The following IL1B variants were observed in gnomAD, a reference collection of about 807,000 sequenced individuals.
IL1B encodes the protein interleukin 1 beta, also known as interleukin-1 beta.
A neutral mutation model predicts 26.2 loss-of-function variants in IL1B; 11 were observed. That is an observed-to-expected ratio of 0.42 (90% CI 0.26 to 0.70). The LOEUF (loss-of-function observed/expected upper bound fraction) is 0.70. Among genes scored for constraint, IL1B ranks in the 30% least tolerant of loss-of-function variants. The pLI, the probability that IL1B is intolerant of heterozygous loss-of-function variation, is 0.25. For synonymous variants in IL1B, 118 were observed against 120.8 expected, an observed-to-expected ratio of 0.98 and a Z score of 0.15; for missense variants, 255 against 327.5, an observed-to-expected ratio of 0.78 and a Z score of 1.71.
chr2:112,830,450 AG>A lies in IL1B; in HGVS notation c.720del (p.Ser241LeufsTer19), dbSNP rs1275432864. ...SAQFPNWYISTSQAENMPVFL... is the reference protein window; with the variant it reads ...SAQFPNWYISXSQAENMPVFL... ...AAGACGGGCATGTTTTCTGCTTGAG[AG>A]GTGCTGATGTACCAGTTGGGGAACT... On this transcript the variant is annotated frameshift_variant, in exon 7 of 7. Coordinates refer to ENST00000263341, the MANE Select transcript of IL1B (RefSeq NM_000576.3). LOFTEE classifies it high-confidence loss of function. The A allele has an allele frequency of 6.2e-7, 1 of 1,613,988 alleles. No individual in the cohort carries two copies. The highest frequency in any genetic ancestry group is 8.5e-7 in the Non-Finnish European group (1 of 1,179,978).
Position 112,829,896 on chromosome 2 carries a change from AAATTG to A in IL1B, c.*460_*464del, listed in dbSNP as rs144284916. The A allele has an allele frequency of 3.9e-3, 662 of 169,004 alleles. 1 individual carries two copies. The highest frequency in any genetic ancestry group is 0.015 in the African/African-American group (629 of 41,766). The allele number at this position is 169,004 out of a possible 1,614,324, so 10.5% of individuals were successfully genotyped here. The stretch of plus-strand genomic sequence containing the variant: ...TGATTTAAAGAGAGCACACCAGTCC[AAATTG>A]AATTGATTCCATAGCTATTAAAAAC... On this transcript the variant is annotated 3_prime_UTR_variant, in exon 7 of 7. Transcript: ENST00000263341.
In IL1B at chr2:112,836,706, A is replaced by T; in HGVS notation, c.-16+2T>A. 1 of 168,940 alleles carries T rather than the reference A, an allele frequency of 5.9e-6. No homozygotes were observed. The highest frequency in any genetic ancestry group is 1.3e-5 in the Non-Finnish European group (1 of 76,764). The allele number at this position is 168,940 out of a possible 1,614,324, so 10.5% of individuals were successfully genotyped here. A position where few individuals can be genotyped will look rare whatever the true frequency, so the allele number is the denominator to read the frequency against. ...TAGTTGTAAGGAAGATTAAAGTCAT[A>T]CTTGAGCAATGAAGATTGGCTGAAG... On this transcript the variant is annotated splice_donor_variant, in intron 1 of 6. Coordinates refer to ENST00000263341, the MANE Select transcript of IL1B (RefSeq NM_000576.3). LOFTEE classifies it low-confidence loss of function (5UTR_SPLICE).
chr2:112,833,694 A>G (rs1303430541), intron 3 of IL1B, 119 bp from the exon 4 acceptor site: 2 of 986,998 alleles, frequency 2.0e-6, no homozygotes, highest in African/African-American at 1.6e-5. Context: ...CCGAGCTTCT[A>G]AAGATCATCC....
At chr2:112,835,543 G>A (rs771312627) in intron 3 of IL1B, 23 bp downstream of exon 3, 1 of 1,597,958 alleles carries the variant, frequency 6.3e-7, no homozygotes, top group African/African-American at 1.3e-5. Context: ...TCCTTGGGTT[G>A]GGAGTTAAAC....
chr2:112,831,442 T>C lies in IL1B; in HGVS notation c.467-20A>G, dbSNP rs761948239. Reference sequence around the variant, plus strand: ...ACACCACTGAAGAAAGAAGGGGGTCTTGTGGTTAGGGACACAGCAGTGCAG... The same window carrying C: ...ACACCACTGAAGAAAGAAGGGGGTCCTGTGGTTAGGGACACAGCAGTGCAG... On this transcript the variant is annotated intron_variant, in intron 5 of 6. Coordinates refer to ENST00000263341, the MANE Select transcript of IL1B (RefSeq NM_000576.3). 6 of 1,612,272 alleles carry C rather than the reference T, an allele frequency of 3.7e-6. No individual in the cohort carries two copies. Among genetic ancestry groups the C allele is most frequent in the Middle Eastern group, 1.6e-4 (1 of 6,064 alleles).
At chr2:112,836,289 G>A (rs1444747103) in intron 1 of IL1B, 45 bp from the exon 2 acceptor site, 7 of 1,379,820 alleles carry the variant, frequency 5.1e-6, no homozygotes, top group African/African-American at 2.8e-5. Flanking sequence ...TGACGGCTAC[G>A]TTCATGTGTG....
Position 112,832,812 on chromosome 2 carries a change from C to T in IL1B, c.316G>A (p.Asp106Asn), listed in dbSNP as rs139843362. ...FIFEEEPIFFDTWDNEAYVHD... is the reference protein window; with the variant it reads ...FIFEEEPIFFNTWDNEAYVHD... ...ACATAAGCCTCGTTATCCCATGTGT[C>T]GAAGAAGATAGGTTCTGAAATGTGG... Residue 106 changes from aspartate (D) to asparagine (N), a missense_variant, in exon 5 of 7, where the codon GAC becomes AAC. Physicochemically the swap from Asp to Asn is conservative, Grantham distance 23. Transcript: ENST00000263341. 3.1e-5 allele frequency: 50 copies of T among 1,614,044 alleles called. 1 individual carries two copies. Among genetic ancestry groups the T allele is most frequent in the Non-Finnish European group, 4.0e-5 (47 of 1,180,014 alleles).
chr2:112,836,095 G>A, intron 2 of IL1B, 88 bp downstream of exon 2: 2 of 1,287,450 alleles, frequency 1.6e-6, no homozygotes, highest in South Asian at 1.2e-5. Flanking sequence ...GCAATTTAGG[G>A]GAAAAATCTG....
rs1229772915 is a variant in IL1B, at chr2:112,833,459, G to T, written c.216C>A (p.Asp72Glu). 2 of 1,614,096 alleles carry T rather than the reference G, an allele frequency of 1.2e-6. No individual in the cohort carries two copies. The highest frequency in any genetic ancestry group is 3.3e-5 in the Admixed American group (2 of 60,002). Residue 72 changes from aspartate (D) to glutamate (E), a missense_variant, in exon 4 of 7, where the codon GAC (aspartate) becomes GAA (glutamate). Transcript: ENST00000263341. ...AGGGAACCAGCATCTTCCTCAGCTT[G>T]TCCATGGCCACAACAACTGACGCGG... ...RQAASVVVAM[D>E]KLRKMLVPCP...
At position 112,830,465 on chromosome 2, in the gene IL1B, A is replaced by G; in HGVS notation, c.706T>C (p.Trp236Arg). ...LEFESAQFPNWYISTSQAENM... is the reference protein window; with the variant it reads ...LEFESAQFPNRYISTSQAENM... ...TCTGCTTGAGAGGTGCTGATGTACC[A>G]GTTGGGGAACTGGGCAGACTCAAAT... is the stretch of plus-strand genomic sequence containing the variant. Residue 236 changes from tryptophan (W) to arginine (R), a missense_variant, in exon 7 of 7, where the codon TGG becomes CGG. Trp to Arg is a moderately radical substitution (Grantham distance 101). Coordinates refer to ENST00000263341, the MANE Select transcript of IL1B (RefSeq NM_000576.3). 1 of 1,614,062 alleles carries G rather than the reference A, an allele frequency of 6.2e-7. No individual in the cohort carries two copies. The highest frequency in any genetic ancestry group is 8.5e-7 in the Non-Finnish European group (1 of 1,179,970).
At chr2:112,836,360 TG>T in intron 1 of IL1B, 116 bp from the exon 2 acceptor site, 2 of 784,812 alleles carry the variant, frequency 2.5e-6, no homozygotes, top group Non-Finnish European at 4.4e-6. Flanking sequence ...AGTAAATGAA[TG>T]AATGTGTGAA....
At chr2:112,833,951 C>T (rs955532812) in intron 3 of IL1B, among the ~76,000 whole-genome samples, 1 of 151,998 alleles carries the variant, frequency 6.6e-6, no homozygotes, top group Non-Finnish European at 1.5e-5. Flanking sequence ...CAAGATTGTA[C>T]CACTGCACTC....
chr2:112,834,907 G>T (rs533707114), intron 3 of IL1B, among the ~76,000 whole-genome samples: 1 of 152,288 alleles, frequency 6.6e-6, no homozygotes, highest in South Asian at 2.1e-4. Context: ...GGATGAGTCT[G>T]AAAAATGACC....
At chr2:112,830,629 G>C in intron 6 of IL1B, 56 bp from the exon 7 acceptor site, 1 of 1,249,734 alleles carries the variant, frequency 8.0e-7, no homozygotes, top group Non-Finnish European at 1.2e-6. Context: ...GATGCTATGG[G>C]AAAGATGTTC....
chr2:112,830,176 C>G lies in IL1B; in HGVS notation c.*185G>C. The G allele has an allele frequency of 1.7e-6, 1 of 599,768 alleles. No individual in the cohort carries two copies. 37.2% of individuals were successfully genotyped at this position (599,768 alleles called of 1,614,324 possible). A position where few individuals can be genotyped will look rare whatever the true frequency, so the allele number is the denominator to read the frequency against. ...GGGGATTGGCCCTGAAAGGAGAGAG[C>G]TGACTGTCCTGGCTGATGGACAGGA... On this transcript the variant is annotated 3_prime_UTR_variant, in exon 7 of 7. Coordinates refer to ENST00000263341, the MANE Select transcript of IL1B (RefSeq NM_000576.3).
In IL1B at chr2:112,833,576, C is replaced by T. The variant is rs1490063330; in HGVS notation, c.100-1G>A. On this transcript the variant is annotated splice_acceptor_variant, in intron 3 of 6. Transcript: ENST00000263341. LOFTEE classifies it high-confidence loss of function. ...AGAGGTCCAGGTCCTGGAAGGAGCA[C>T]TGCGGAGAGAGCGAGGGAGGGAGCC... 2.5e-6 allele frequency: 4 copies of T among 1,613,686 alleles called. No individual in the cohort carries two copies. The highest frequency in any genetic ancestry group is 1.3e-5 in the African/African-American group (1 of 74,910).
At chr2:112,836,011 G>A (rs2104937615) in intron 2 of IL1B, among the ~76,000 whole-genome samples, 172 bp downstream of exon 2, 1 of 152,324 alleles carries the variant, frequency 6.6e-6, no homozygotes, top group East Asian at 1.9e-4. Flanking sequence ...CAGGTCCCAA[G>A]GCTGGAGGGA....
chr2:112,832,726 C>T lies in IL1B; in HGVS notation c.402G>A (p.Leu134=), dbSNP rs1489058864. ...CTLRDSQQKS[L]VMSGPYELKA... ...TCAGTTCATATGGACCAGACATCACCAAGCTTTTTTGCTGTGAGTCCCGGA... is the reference window on the plus strand; with the variant it reads ...TCAGTTCATATGGACCAGACATCACTAAGCTTTTTTGCTGTGAGTCCCGGA... The change falls in exon 5 of 7, where the codon TTG becomes TTA. Residue 134 remains leucine, a synonymous_variant. Transcript: ENST00000263341. The T allele has an allele frequency of 6.2e-7, 1 of 1,614,162 alleles. No individual in the cohort carries two copies. Among genetic ancestry groups the T allele is most frequent in the Non-Finnish European group, 8.5e-7 (1 of 1,180,020 alleles).
chr2:112,830,285 A>G lies in IL1B; in HGVS notation c.*76T>C. The G allele has an allele frequency of 7.8e-7, 1 of 1,275,266 alleles. No homozygotes were observed. The highest frequency in any genetic ancestry group is 2.3e-5 in the East Asian group (1 of 43,306). 79.0% of individuals were successfully genotyped at this position (1,275,266 alleles called of 1,614,324 possible). The stretch of plus-strand genomic sequence containing the variant: ...GTCCAGGCTATAGCCGTACTCAAAA[A>G]CCTTTCTGTTCCCTTTCTGCCAGCC... On this transcript the variant is annotated 3_prime_UTR_variant, in exon 7 of 7. Transcript: ENST00000263341.
Sources: allele counts gnomAD v4.1 joint callset (sites outside exome capture counted in the v4.1 genomes callset), GRCh38; gene constraint gnomAD v4.1.1; transcripts MANE v1.5; gene names NCBI Gene and HGNC (gene_info 2026-07-23, HGNC 2026-07-21).